The following STARD8 variants were observed in gnomAD, a reference collection of about 807,000 sequenced individuals.
STARD8 encodes StAR related lipid transfer domain containing 8.
STARD8 carries 25 observed loss-of-function variants against 69.4 expected under a neutral mutation model. The observed-to-expected ratio is 0.36, with a 90% CI of 0.26 to 0.50. The LOEUF is 0.50. STARD8 is among the 20% of genes least tolerant of loss of function. The probability of loss-of-function intolerance (pLI) is 0.96; values close to 1 mark genes in which losing one functional copy is unlikely to be tolerated. For missense variants in STARD8, 921 were observed against 932.5 expected, an observed-to-expected ratio of 0.99 and a Z score of 0.16; for synonymous variants, 389 against 374.6, an observed-to-expected ratio of 1.04 and a Z score of -0.45.
chrX:68,671,186 G>C (rs1251258154), intron 2 of STARD8, among the ~76,000 whole-genome samples: 1 of 112,416 alleles, frequency 8.9e-6, no homozygotes. Flanking sequence ...TATCTTTCTT[G>C]CTTCCTTTCC....
chrX:68,679,878 C>T (rs1207375598), intron 2 of STARD8, among the ~76,000 whole-genome samples: 1 of 111,872 alleles, frequency 8.9e-6, no homozygotes, highest in Non-Finnish European at 1.9e-5. Flanking sequence ...CTCCAGGGTT[C>T]TGGGATGGCA....
intron 2 of STARD8, among the ~76,000 whole-genome samples, chrX:68,706,606 C>T (rs1162602010): frequency 1.8e-5 from 2 of 112,706 alleles, no homozygotes. Flanking sequence ...CACTGCCAAC[C>T]TAGAGGGTAG....
At chrX:68,675,286 G>A (rs376715689) in intron 2 of STARD8, among the ~76,000 whole-genome samples, 4 of 110,867 alleles carry the variant, frequency 3.6e-5, no homozygotes, top group African/African-American at 6.6e-5. Context: ...TAGAGACAGC[G>A]TTTTGCCATG....
chrX:68,655,938 A>G (rs982125011), intron 1 of STARD8, among the ~76,000 whole-genome samples: 3 of 112,086 alleles, frequency 2.7e-5, no homozygotes, highest in East Asian at 5.6e-4. Flanking sequence ...TCTTTGGAAG[A>G]AAAGGGCAAG....
chrX:68,650,422 TAGA>T (rs1392448755), intron 1 of STARD8, among the ~76,000 whole-genome samples: 5 of 82,919 alleles, frequency 6.0e-5, no homozygotes, highest in Admixed American at 3.7e-4. Flanking sequence ...CAAGATCCTA[TAGA>T]AGAAGAAGAA....
chrX:68,668,373 A>C (rs1383989824), intron 2 of STARD8, among the ~76,000 whole-genome samples: 4 of 100,040 alleles, frequency 4.0e-5, no homozygotes, highest in Admixed American at 1.2e-4. Context: ...ACTCAGGCTG[A>C]AGCGCAGTGG....
chrX:68,654,059 C>T (rs990354347), intron 1 of STARD8, among the ~76,000 whole-genome samples: 7 of 111,260 alleles, frequency 6.3e-5, no homozygotes, highest in African/African-American at 2.3e-4. Context: ...CAGTTCCCTC[C>T]TCTTATAGGT....
Position 68,719,394 on chromosome X carries a change from G to A in STARD8, c.1885G>A (p.Val629Ile), listed in dbSNP as rs1435565496. 2 of 1,167,680 alleles carry A rather than the reference G, an allele frequency of 1.7e-6. No homozygotes were observed. Among genetic ancestry groups the A allele is most frequent in the Non-Finnish European group, 2.3e-6 (2 of 872,979 alleles). Residue 629 changes from valine to isoleucine, a missense_variant, in exon 7 of 15, where the codon GTC becomes ATC. Val to Ile is a conservative substitution (Grantham distance 29). Coordinates refer to ENST00000374599, the MANE Select transcript of STARD8 (RefSeq NM_001142503.3). ...CACTGTGCCCCACAAGCAGGGCTGGGTCTGGTGAGTGGCTCCTGGGCCATG... is the reference window on the plus strand; with the variant it reads ...CACTGTGCCCCACAAGCAGGGCTGGATCTGGTGAGTGGCTCCTGGGCCATG... The part of the protein sequence containing the change: ...KYTVPHKQGW[V>I]WSMPKFMRRN...
At chrX:68,708,131 C>T (rs1442261345) in intron 2 of STARD8, among the ~76,000 whole-genome samples, 3 of 112,125 alleles carry the variant, frequency 2.7e-5, no homozygotes, top group Non-Finnish European at 3.8e-5. Flanking sequence ...AGCAAAAGCC[C>T]GATCAAATCT....
intron 2 of STARD8, among the ~76,000 whole-genome samples, chrX:68,686,129 G>T (rs1173340433): frequency 9.0e-6 from 1 of 111,629 alleles, no homozygotes; most frequent in East Asian, 2.8e-4. Flanking sequence ...GGGCCAAGTT[G>T]GAAAAGTCTG....
At position 68,721,732 on chromosome X, in the gene STARD8, T is replaced by C. The variant is rs1052549586; in HGVS notation, c.2445T>C (p.Asp815=). ...TCCACCTCAATGTCTCTAAGAAGGA[T>C]AGCCCCTCTCCCAGGTGAAATGGTG... ...SIFHLNVSKK[D]SPSPRIKSKR... The change falls in exon 10 of 15, where the codon GAT becomes GAC. Residue 815 remains aspartate, a synonymous_variant. Coordinates refer to ENST00000374599, the MANE Select transcript of STARD8 (RefSeq NM_001142503.3). 1 of 1,210,764 alleles carries C rather than the reference T, an allele frequency of 8.3e-7. No individual in the cohort carries two copies. Among genetic ancestry groups the C allele is most frequent in the East Asian group, 3.0e-5 (1 of 33,846 alleles).
intron 2 of STARD8, among the ~76,000 whole-genome samples, chrX:68,676,766 G>A (rs1229021786): frequency 1.8e-5 from 2 of 110,873 alleles, no homozygotes; most frequent in African/African-American, 6.7e-5. Flanking sequence ...AGAGTTAGCC[G>A]CTCTGAAAAG....
chrX:68,686,327 TC>T, intron 2 of STARD8, among the ~76,000 whole-genome samples: 1 of 112,120 alleles, frequency 8.9e-6, no homozygotes, highest in East Asian at 2.9e-4. Context: ...CTCCCCGGGC[TC>T]CCCGCGGATT....
At chrX:68,652,552 G>A (rs2079554429) in intron 1 of STARD8, among the ~76,000 whole-genome samples, 2 of 111,125 alleles carry the variant, frequency 1.8e-5, no homozygotes, top group Non-Finnish European at 3.8e-5. Flanking sequence ...CGTGTTTGCT[G>A]TGTCTTCCCC....
chrX:68,702,561 T>C (rs1232285225), intron 2 of STARD8, among the ~76,000 whole-genome samples: 1 of 112,160 alleles, frequency 8.9e-6, no homozygotes, highest in Non-Finnish European at 1.9e-5. Flanking sequence ...GTGTCTGCTG[T>C]GTGCCAGGCC....
At chrX:68,660,368 G>A (rs930118512) in intron 1 of STARD8, among the ~76,000 whole-genome samples, 1 of 111,832 alleles carries the variant, frequency 8.9e-6, no homozygotes, top group Non-Finnish European at 1.9e-5. Flanking sequence ...GTGTCAGTCA[G>A]TCCTTCTTGA....
intron 2 of STARD8, among the ~76,000 whole-genome samples, chrX:68,680,110 A>G (rs752772199): frequency 1.7e-4 from 19 of 111,316 alleles, no homozygotes; most frequent in South Asian, 3.8e-4. Context: ...TATAGGATAA[A>G]TTTTTCCAGA....
At position 68,656,847 on chromosome X, in the gene STARD8, G is replaced by A. The variant is rs146268016; in HGVS notation, c.46-8652G>A. 5.4e-3 allele frequency among the ~76,000 whole-genome samples: 598 copies of A among 110,338 alleles called. 6 individuals carry two copies. The highest frequency in any genetic ancestry group is 0.015 in the African/African-American group (442 of 30,256). On this transcript the variant is annotated intron_variant, in intron 1 of 14. Transcript: ENST00000374599. ...CACAGGAAGGGGAACATCACAGACC[G>A]GGGCCTGTTGTGGGGTGGAGGAGGG...
At position 68,661,972 on chromosome X, in the gene STARD8, CTTTCTT is replaced by C. The variant is rs1198874633; in HGVS notation, c.46-3525_46-3520del. ...TCTCTCTCTCTCTCTCTCTCTCTCT[CTTTCTT>C]TCTTTCTTTCTTTCTTTCTTTCTTT... On this transcript the variant is annotated intron_variant, in intron 1 of 14. Transcript: ENST00000374599. 2.5e-3 allele frequency among the ~76,000 whole-genome samples: 92 copies of C among 36,363 alleles called. 2 individuals carry two copies. The highest frequency in any genetic ancestry group is 3.9e-3 in the Non-Finnish European group (69 of 17,605). 31.6% of individuals were successfully genotyped at this position (36,363 alleles called of 115,157 possible).
Sources: gnomAD v4.1 joint callset for allele counts (sites outside exome capture counted in the v4.1 genomes callset) on GRCh38, gnomAD v4.1.1 for gene constraint, MANE v1.5 for transcripts, NCBI Gene and HGNC (gene_info 2026-07-23, HGNC 2026-07-21) for gene names.